Variants in ADAM12 observed in about 807,000 individuals in gnomAD.
ADAM12 encodes the protein disintegrin and metalloproteinase domain-containing protein 12.
ADAM12 carries 70 observed loss-of-function variants against 106.4 expected under a neutral mutation model. That is an observed-to-expected ratio of 0.66 (90% confidence interval 0.54 to 0.80). ADAM12 has a LOEUF of 0.80. Among genes scored for constraint, ADAM12 ranks in the 30% least tolerant of loss-of-function variants. ADAM12 has a pLI of 0.00. For missense variants in ADAM12, 1,010 were observed against 1,171.9 expected (o/e 0.86, Z 2.02); for synonymous variants, 420 against 433.5 (o/e 0.97, Z 0.39).
At chr10:126,246,532 C>T (rs888896782) in intron 3 of ADAM12, among the ~76,000 whole-genome samples, 14 of 152,182 alleles carry the variant, frequency 9.2e-5, no homozygotes, top group Non-Finnish European at 1.8e-4. Flanking sequence ...AAAGCTTATC[C>T]ACCACAATCA....
intron 6 of ADAM12, among the ~76,000 whole-genome samples, chr10:126,115,010 G>A (rs956828688): frequency 3.3e-5 from 5 of 152,068 alleles, no homozygotes; most frequent in Admixed American, 6.6e-5. Context: ...AAACAAATAC[G>A]ATAGGCTGTC....
intron 3 of ADAM12, among the ~76,000 whole-genome samples, chr10:126,265,997 C>T (rs935721600): frequency 6.6e-6 from 1 of 151,950 alleles, no homozygotes; most frequent in Non-Finnish European, 1.5e-5. Flanking sequence ...CTTTTTTTAG[C>T]AATACATATG....
At chr10:126,233,002 G>A (rs1008695226) in intron 3 of ADAM12, among the ~76,000 whole-genome samples, 1 of 152,140 alleles carries the variant, frequency 6.6e-6, no homozygotes, top group African/African-American at 2.4e-5. Flanking sequence ...TGTTTCTATT[G>A]CATTTGGGGT....
At chr10:126,031,803 T>G (rs1953975545) in intron 21 of ADAM12, among the ~76,000 whole-genome samples, 1 of 152,160 alleles carries the variant, frequency 6.6e-6, no homozygotes, top group Non-Finnish European at 1.5e-5. Context: ...GAACTGAAGA[T>G]CTCCACCTCT....
intron 3 of ADAM12, among the ~76,000 whole-genome samples, chr10:126,240,351 G>T (rs1289126605): frequency 2.6e-5 from 4 of 152,252 alleles, no homozygotes; most frequent in Admixed American, 1.3e-4. Context: ...GACAGAAGTT[G>T]CACCTGTGCT....
At chr10:126,092,036 A>G (rs1955474728) in intron 11 of ADAM12, among the ~76,000 whole-genome samples, 1 of 152,190 alleles carries the variant, frequency 6.6e-6, no homozygotes. Flanking sequence ...AACTGCCTAT[A>G]TTATTTTAAA....
At chr10:126,017,902 G>C (rs1014863427) in intron 22 of ADAM12, among the ~76,000 whole-genome samples, 3 of 152,092 alleles carry the variant, frequency 2.0e-5, no homozygotes, top group Admixed American at 6.5e-5. Context: ...CAGCTTGAGG[G>C]CATTTAAGAA....
chr10:126,042,957 C>G, intron 18 of ADAM12, 83 bp downstream of exon 18: 2 of 1,356,224 alleles, frequency 1.5e-6, no homozygotes, highest in Non-Finnish European at 2.0e-6. Context: ...TTGGCTCTAC[C>G]TGCACCCATG....
At chr10:126,373,374 C>T (rs1856177469) in intron 1 of ADAM12, among the ~76,000 whole-genome samples, 1 of 152,116 alleles carries the variant, frequency 6.6e-6, no homozygotes, top group Non-Finnish European at 1.5e-5. Context: ...TCAGCTTGGC[C>T]CCATCATTAG....
chr10:126,250,581 G>C (rs1958726825), intron 3 of ADAM12, among the ~76,000 whole-genome samples: 1 of 152,168 alleles, frequency 6.6e-6, no homozygotes, highest in Admixed American at 6.5e-5. Context: ...TGTGGCTTGG[G>C]GAATTAAAAC....
chr10:126,192,839 T>C (rs921301095), intron 3 of ADAM12, among the ~76,000 whole-genome samples: 1 of 152,264 alleles, frequency 6.6e-6, no homozygotes, highest in Non-Finnish European at 1.5e-5. Flanking sequence ...TGGCCTTGAC[T>C]GGTCTAGAGC....
At chr10:126,091,310 A>G (rs182638758) in intron 11 of ADAM12, among the ~76,000 whole-genome samples, 95 of 152,334 alleles carry the variant, frequency 6.2e-4, no homozygotes, top group African/African-American at 2.2e-3. Context: ...CCATTTTGAG[A>G]TAATACCGGA....
chr10:126,090,437 A>G, intron 11 of ADAM12, among the ~76,000 whole-genome samples: 1 of 152,020 alleles, frequency 6.6e-6, no homozygotes, highest in East Asian at 1.9e-4. Context: ...TGTTCAAGTC[A>G]TTCACAATTT....
At chr10:126,352,114 G>C (rs564968015) in intron 1 of ADAM12, among the ~76,000 whole-genome samples, 1 of 152,136 alleles carries the variant, frequency 6.6e-6, no homozygotes, top group East Asian at 1.9e-4. Flanking sequence ...ATAAGGTCAA[G>C]GGGGGAACAA....
At chr10:126,149,957 T>C (rs1461967391) in intron 4 of ADAM12, among the ~76,000 whole-genome samples, 2 of 152,236 alleles carry the variant, frequency 1.3e-5, no homozygotes, top group Non-Finnish European at 2.9e-5. Context: ...CTATTAGTTC[T>C]GTCCTTCAAG....
At chr10:126,251,827 A>AGATGGATGAATGGATGGGAT (rs1958773377) in intron 3 of ADAM12, among the ~76,000 whole-genome samples, 3 of 142,738 alleles carry the variant, frequency 2.1e-5, no homozygotes, top group Non-Finnish European at 3.0e-5. Flanking sequence ...TGGGATGGAT[A>AGATGGATGAATGGATGGGAT]GGATAGATGG....
At chr10:126,149,990 C>T (rs1379965210) in intron 4 of ADAM12, among the ~76,000 whole-genome samples, 1 of 152,174 alleles carries the variant, frequency 6.6e-6, no homozygotes, top group Admixed American at 6.5e-5. Flanking sequence ...AATACTAATA[C>T]AGATGCCTAA....
At chr10:126,195,447 T>C (rs1374746611) in intron 3 of ADAM12, among the ~76,000 whole-genome samples, 2 of 152,054 alleles carry the variant, frequency 1.3e-5, no homozygotes, top group Non-Finnish European at 2.9e-5. Context: ...TGGTGGTGTG[T>C]GCTTGTAATC....
intron 1 of ADAM12, among the ~76,000 whole-genome samples, chr10:126,336,459 TGCAGTACC>T (rs1294962453): frequency 6.6e-6 from 1 of 152,152 alleles, no homozygotes; most frequent in Admixed American, 6.5e-5. Flanking sequence ...AGACGGAAGA[TGCAGTACC>T]TGCAGGCAAG....
Sources: allele counts gnomAD v4.1 joint callset (sites outside exome capture counted in the v4.1 genomes callset), GRCh38; gene constraint gnomAD v4.1.1; transcripts MANE v1.5; gene names NCBI Gene and HGNC (gene_info 2026-07-23, HGNC 2026-07-21).